Variants in PCDHAC1 observed in about 807,000 individuals in gnomAD.
The protein encoded by PCDHAC1 is protocadherin alpha subfamily C, 1, also known as protocadherin alpha-C1.
PCDHAC1 carries 42 observed loss-of-function variants against 60.0 expected under a neutral mutation model. The observed-to-expected ratio is 0.70, with a 90% CI of 0.55 to 0.90. PCDHAC1 has a LOEUF of 0.90. Among genes scored for constraint, PCDHAC1 ranks in the 40% least tolerant of loss-of-function variants. The pLI is 0.00. For missense variants in PCDHAC1, 1,160 were observed against 1,222.3 expected, an observed-to-expected ratio of 0.95 and a Z score of 0.76; for synonymous variants, 468 against 499.3, an observed-to-expected ratio of 0.94 and a Z score of 0.84.
At chr5:140,969,141 G>T in intron 1 of PCDHAC1, 1 of 1,614,158 alleles carries the variant, frequency 6.2e-7, no homozygotes, top group Non-Finnish European at 8.5e-7. Context: ...AAGACCTACT[G>T]CTACAAGGCC....
At chr5:140,985,083 G>A (rs782261438) in intron 3 of PCDHAC1, among the ~76,000 whole-genome samples, 5 of 152,158 alleles carry the variant, frequency 3.3e-5, no homozygotes, top group East Asian at 1.9e-4. Context: ...GACTACAGGC[G>A]TGTGCCACCA....
chr5:140,998,708 G>A (rs2153953637), intron 3 of PCDHAC1, among the ~76,000 whole-genome samples: 1 of 152,142 alleles, frequency 6.6e-6, no homozygotes, highest in South Asian at 2.1e-4. Context: ...GGGATTACAA[G>A]CTTGCACCAC....
intron 1 of PCDHAC1, chr5:140,968,827 C>T (rs1398985109): frequency 1.2e-6 from 2 of 1,614,094 alleles, no homozygotes; most frequent in Non-Finnish European, 1.7e-6. Context: ...TTTCCAAAAT[C>T]CTCCCTGACA....
chr5:140,946,611 A>T (rs868983636), intron 1 of PCDHAC1, among the ~76,000 whole-genome samples: 1 of 86,804 alleles, frequency 1.2e-5, no homozygotes, highest in Admixed American at 1.2e-4. Context: ...GAAAATGTGA[A>T]ATATATATAT....
chr5:140,958,197 A>G (rs896064147), intron 1 of PCDHAC1, among the ~76,000 whole-genome samples: 7 of 152,140 alleles, frequency 4.6e-5, no homozygotes, highest in Non-Finnish European at 1.0e-4. Context: ...CTGGTCTAGT[A>G]TACAAGGGAA....
At position 141,010,114 on chromosome 5, in the gene PCDHAC1, G is replaced by A. The variant is rs2098416092; in HGVS notation, c.*177G>A. Reference sequence around the variant, plus strand: ...GCATTTAACAGGTTTTGTCGTAAAAGCTTTACTAAGTCTGGTGTTAACTCT... The same window carrying A: ...GCATTTAACAGGTTTTGTCGTAAAAACTTTACTAAGTCTGGTGTTAACTCT... On this transcript the variant is annotated 3_prime_UTR_variant, in exon 4 of 4. Transcript: ENST00000253807. The A allele has an allele frequency of 1.2e-6, 2 of 1,609,716 alleles. No homozygotes were observed. Among genetic ancestry groups the A allele is most frequent in the Non-Finnish European group, 1.7e-6 (2 of 1,177,682 alleles).
chr5:140,948,464 G>A (rs1357759863), intron 1 of PCDHAC1, among the ~76,000 whole-genome samples: 1 of 151,508 alleles, frequency 6.6e-6, no homozygotes, highest in Non-Finnish European at 1.5e-5. Flanking sequence ...TTTAGGGAAA[G>A]TTTCTGATAA....
At chr5:140,976,742 AC>A (rs1170747899) in intron 1 of PCDHAC1, among the ~76,000 whole-genome samples, 1 of 151,778 alleles carries the variant, frequency 6.6e-6, no homozygotes, top group Admixed American at 6.6e-5. Context: ...CATTTTAAAA[AC>A]CTCCCAGATG....
rs1554263795 is a variant in PCDHAC1 at position 141,012,061 on chromosome 5, C to T, written c.*2124C>T. 1 of 153,730 alleles carries T rather than the reference C, an allele frequency of 6.5e-6. No homozygotes were observed. The highest frequency in any genetic ancestry group is 1.9e-4 in the East Asian group (1 of 5,194). The allele number at this position is 153,730 out of a possible 1,614,324, so 9.5% of individuals were successfully genotyped here. A position where few individuals can be genotyped will look rare whatever the true frequency, so the allele number is the denominator to read the frequency against. The stretch of plus-strand genomic sequence containing the variant: ...CATGGGGTAAAACTTGTTACCAACA[C>T]ATGTGAACCATTGCTACATTGTAGG... On this transcript the variant is annotated 3_prime_UTR_variant, in exon 4 of 4. Coordinates refer to ENST00000253807, the MANE Select transcript of PCDHAC1 (RefSeq NM_018898.5).
intron 1 of PCDHAC1, among the ~76,000 whole-genome samples, chr5:140,954,686 G>T (rs962904413): frequency 6.6e-6 from 1 of 152,024 alleles, no homozygotes; most frequent in African/African-American, 2.4e-5. Context: ...TTGTCAGATG[G>T]ATAGACTACA....
rs782564165 is a variant in PCDHAC1, at chr5:141,010,450, G to A, written c.*513G>A. ...AAGAAAACAAAGACAAATAAACAGC[G>A]GAAGTTATCAGTATGGAGGGGAAGT... On this transcript the variant is annotated 3_prime_UTR_variant, in exon 4 of 4. Transcript: ENST00000253807. The A allele has an allele frequency of 6.5e-6, 6 of 920,764 alleles. No individual in the cohort carries two copies. The East Asian group carries it at 8.2e-5, about 13-fold the overall frequency. 57.0% of individuals were successfully genotyped at this position (920,764 alleles called of 1,614,324 possible).
intron 1 of PCDHAC1, among the ~76,000 whole-genome samples, chr5:140,932,822 A>G (rs1191525374): frequency 6.6e-6 from 1 of 151,946 alleles, no homozygotes; most frequent in Non-Finnish European, 1.5e-5. Context: ...ATAAGTGGGA[A>G]AGTATTGACA....
chr5:141,002,675 A>G (rs782045638), intron 3 of PCDHAC1, among the ~76,000 whole-genome samples: 5 of 152,222 alleles, frequency 3.3e-5, no homozygotes, highest in African/African-American at 4.8e-5. Context: ...ACCAAAACCT[A>G]TACGACGTGC....
At chr5:140,936,184 C>T (rs572832347) in intron 1 of PCDHAC1, among the ~76,000 whole-genome samples, 4 of 152,308 alleles carry the variant, frequency 2.6e-5, no homozygotes, top group African/African-American at 4.8e-5. Context: ...TAAACCACCA[C>T]GCCCAGCCAA....
At chr5:140,966,854 C>G in intron 1 of PCDHAC1, 1 of 1,573,744 alleles carries the variant, frequency 6.4e-7, no homozygotes, top group Non-Finnish European at 8.6e-7. Context: ...GCCTCTCCTG[C>G]TGCTGTTGCT....
intron 1 of PCDHAC1, among the ~76,000 whole-genome samples, chr5:140,941,542 C>T (rs782270560): frequency 4.0e-5 from 6 of 151,842 alleles, no homozygotes; most frequent in Non-Finnish European, 7.4e-5. Context: ...GTCTTGAACT[C>T]CTGACCTCGT....
intron 3 of PCDHAC1, among the ~76,000 whole-genome samples, chr5:141,003,916 A>C (rs1176586597): frequency 3.9e-5 from 6 of 152,150 alleles, no homozygotes; most frequent in African/African-American, 1.4e-4. Context: ...TCTTGACTGC[A>C]TCCTCAGTCT....
At position 140,999,690 on chromosome 5, in the gene PCDHAC1, G is replaced by A. The variant is rs113599808; in HGVS notation, c.2582-9937G>A. Among the ~76,000 whole-genome samples the A allele has an allele frequency of 6.4e-3, 977 of 152,230 alleles. 14 individuals are homozygous for A. Among genetic ancestry groups the A allele is most frequent in the African/African-American group, 0.023 (950 of 41,554 alleles). Reference sequence around the variant, plus strand: ...CGGGGGGCTCACAGAAAGAAGAAATGTGATTTTTTTTTAGCTAACTACGGA... The same window carrying A: ...CGGGGGGCTCACAGAAAGAAGAAATATGATTTTTTTTTAGCTAACTACGGA... On this transcript the variant is annotated intron_variant, in intron 3 of 3. Coordinates refer to ENST00000253807, the MANE Select transcript of PCDHAC1 (RefSeq NM_018898.5).
intron 1 of PCDHAC1, among the ~76,000 whole-genome samples, chr5:140,935,834 C>G (rs1037488504): frequency 1.3e-5 from 2 of 151,624 alleles, no homozygotes; most frequent in African/African-American, 2.4e-5. Flanking sequence ...ACACATATTC[C>G]ATACTGCTTA....
Sources: gnomAD v4.1 joint callset for allele counts (sites outside exome capture counted in the v4.1 genomes callset) on GRCh38, gnomAD v4.1.1 for gene constraint, MANE v1.5 for transcripts, NCBI Gene and HGNC (gene_info 2026-07-23, HGNC 2026-07-21) for gene names.